RGS6: variants seen among roughly 807,000 people sequenced by gnomAD.
RGS6 encodes the protein regulator of G protein signaling 6.
A neutral mutation model predicts 78.5 loss-of-function variants in RGS6; 30 were observed. The observed-to-expected ratio is 0.38, with a 90% CI of 0.29 to 0.52. The LOEUF (loss-of-function observed/expected upper bound fraction) is 0.52. Among genes scored for constraint, RGS6 ranks in the 20% least tolerant of loss-of-function variants. The probability of loss-of-function intolerance (pLI) is 0.85; values close to 1 mark genes in which losing one functional copy is unlikely to be tolerated. For missense variants in RGS6, 495 were observed against 609.7 expected, an observed-to-expected ratio of 0.81 and a Z score of 1.98; for synonymous variants, 206 against 206.0, an observed-to-expected ratio of 1.00 and a Z score of 0.00.
At position 72,233,993 on chromosome 14, in the gene RGS6, A is replaced by G. The variant is rs189788375; in HGVS notation, c.85-118102A>G. On this transcript the variant is annotated intron_variant, in intron 2 of 17. Transcript: ENST00000553525. Reference sequence around the variant, plus strand: ...TTTGGGGGTAGCGGCTGTGCTTAGCACTGGTTAAGGGAACGAACGGGCATA... The same window carrying G: ...TTTGGGGGTAGCGGCTGTGCTTAGCGCTGGTTAAGGGAACGAACGGGCATA... 3.1e-3 allele frequency among the ~76,000 whole-genome samples: 465 copies of G among 152,188 alleles called. 1 individual carries two copies. The highest frequency in any genetic ancestry group is 0.011 in the African/African-American group (448 of 41,524).
At chr14:72,128,916 A>T (rs1467427204) in intron 2 of RGS6, among the ~76,000 whole-genome samples, 1 of 152,158 alleles carries the variant, frequency 6.6e-6, no homozygotes, top group East Asian at 1.9e-4. Context: ...TCATTTTGTG[A>T]ATGCTTTTAA....
chr14:72,377,400 A>G (rs2085026292), intron 3 of RGS6, among the ~76,000 whole-genome samples: 1 of 152,204 alleles, frequency 6.6e-6, no homozygotes, highest in African/African-American at 2.4e-5. Context: ...ATATAAAGCA[A>G]ATATTATTAG....
At chr14:72,462,490 T>C (rs887914378) in intron 6 of RGS6, among the ~76,000 whole-genome samples, 52 of 151,992 alleles carry the variant, frequency 3.4e-4, no homozygotes, top group African/African-American at 1.2e-3. Context: ...ACCCACCTAG[T>C]AGGGTTATTA....
In RGS6 at chr14:72,162,561, G is replaced by T. The variant is rs111636212; in HGVS notation, c.85-189534G>T. Among the ~76,000 whole-genome samples, 7 of 152,276 alleles carry T rather than the reference G, an allele frequency of 4.6e-5. 2 individuals carry two copies. The highest frequency in any genetic ancestry group is 1.4e-4 in the African/African-American group (6 of 41,546). ...TGGGAGTGGGGCCAGGCAACTGTAA[G>T]ACAGCGATGTCTCATGTTATTGAGC... On this transcript the variant is annotated intron_variant, in intron 2 of 17. Coordinates refer to ENST00000553525, the MANE Select transcript of RGS6 (RefSeq NM_001204424.2).
chr14:72,358,050 C>A (rs190713750), intron 3 of RGS6, among the ~76,000 whole-genome samples: 85 of 152,330 alleles, frequency 5.6e-4, no homozygotes, highest in African/African-American at 2.0e-3. Flanking sequence ...CGGGCCATGG[C>A]TTCAGAGGGT....
At chr14:72,554,453 G>GA (rs61579728) in intron 17 of RGS6, among the ~76,000 whole-genome samples, 1,720 of 152,300 alleles carry the variant, frequency 0.011, 33 homozygotes, top group African/African-American at 0.039. Flanking sequence ...TTCCTAGTTG[G>GA]AAAAAAGTAG....
At position 72,446,565 on chromosome 14, in the gene RGS6, T is replaced by C. The variant is rs112108823; in HGVS notation, c.185-7963T>C. On this transcript the variant is annotated intron_variant, in intron 3 of 17. Transcript: ENST00000553525. ...GGGACCAGTTTCATGGAAGACAGTT[T>C]TTCCACGGACCAGGGTTGTGGGGGA... is the stretch of plus-strand genomic sequence containing the variant. 7.0e-4 allele frequency among the ~76,000 whole-genome samples: 107 copies of C among 152,310 alleles called. 1 individual carries two copies. The highest frequency in any genetic ancestry group is 2.3e-3 in the African/African-American group (96 of 41,576).
the RGS6 span, among the ~76,000 whole-genome samples, chr14:72,620,847 G>A: frequency 2.6e-5 from 4 of 152,268 alleles, no homozygotes; most frequent in East Asian, 3.9e-4. Flanking sequence ...ATCTAATCAC[G>A]TTTGTTTTCT....
chr14:71,965,405 C>T (rs1402883320), intron 2 of RGS6, among the ~76,000 whole-genome samples: 2 of 152,130 alleles, frequency 1.3e-5, no homozygotes. Flanking sequence ...TGAGAATGGG[C>T]TTGTGGAAGA....
At chr14:72,522,717 C>A (rs2097063385) in intron 15 of RGS6, among the ~76,000 whole-genome samples, 1 of 152,044 alleles carries the variant, frequency 6.6e-6, no homozygotes, top group Admixed American at 6.6e-5. Flanking sequence ...AACATAAAAA[C>A]TGTTCTTCGC....
chr14:71,909,492 A>C, the RGS6 span, among the ~76,000 whole-genome samples: 1 of 152,024 alleles, frequency 6.6e-6, no homozygotes, highest in Non-Finnish European at 1.5e-5. Context: ...AGAGAGAGAG[A>C]GAGAGAGAGA....
At chr14:72,440,478 G>C (rs2095148067) in intron 3 of RGS6, among the ~76,000 whole-genome samples, 1 of 147,072 alleles carries the variant, frequency 6.8e-6, no homozygotes, top group Non-Finnish European at 1.5e-5. Flanking sequence ...GCAGTGGCAT[G>C]ATCTCGGCTC....
At chr14:72,538,105 C>G (rs1598861435) in intron 16 of RGS6, among the ~76,000 whole-genome samples, 1 of 152,366 alleles carries the variant, frequency 6.6e-6, no homozygotes, top group Non-Finnish European at 1.5e-5. Flanking sequence ...TTTCCCAAAA[C>G]AGTGACAAAA....
At chr14:72,060,549 CT>C (rs1305195059) in intron 2 of RGS6, among the ~76,000 whole-genome samples, 4 of 152,066 alleles carry the variant, frequency 2.6e-5, no homozygotes, top group Admixed American at 2.0e-4. Context: ...TTAATCTTAT[CT>C]TGTTTCTTTG....
the RGS6 span, among the ~76,000 whole-genome samples, chr14:72,582,699 C>T: frequency 1.7e-4 from 26 of 152,076 alleles, 1 homozygote; most frequent in Non-Finnish European, 3.2e-4. Flanking sequence ...ACCCAAAGGA[C>T]AACATCTGTT....
chr14:71,880,517 G>C, the RGS6 span, among the ~76,000 whole-genome samples: 3 of 152,192 alleles, frequency 2.0e-5, no homozygotes, highest in Admixed American at 2.0e-4. Flanking sequence ...CTAGGAACTT[G>C]GTGCCCCTTG....
intron 13 of RGS6, among the ~76,000 whole-genome samples, chr14:72,502,396 C>T (rs543614054): frequency 1.3e-5 from 2 of 152,334 alleles, no homozygotes; most frequent in East Asian, 3.9e-4. Flanking sequence ...GGAGCCTAGT[C>T]AACCCATAGG....
intron 2 of RGS6, among the ~76,000 whole-genome samples, chr14:72,087,616 T>G (rs1312506392): frequency 6.7e-6 from 1 of 149,796 alleles, no homozygotes; most frequent in Non-Finnish European, 1.5e-5. Flanking sequence ...CTTGCAAACT[T>G]CAACAATATA....
intron 2 of RGS6, among the ~76,000 whole-genome samples, chr14:72,025,726 A>T (rs2089713355): frequency 6.6e-6 from 1 of 152,192 alleles, no homozygotes; most frequent in Non-Finnish European, 1.5e-5. Flanking sequence ...GGAACTAGAC[A>T]TTATTTCAGT....
Sources: gnomAD v4.1 joint callset for allele counts (sites outside exome capture counted in the v4.1 genomes callset) on GRCh38, gnomAD v4.1.1 for gene constraint, MANE v1.5 for transcripts, NCBI Gene and HGNC (gene_info 2026-07-23, HGNC 2026-07-21) for gene names.